The following NCALD variants were observed in gnomAD, a reference collection of about 807,000 sequenced individuals.
The protein encoded by NCALD is neurocalcin delta.
In NCALD, 10 loss-of-function variants were observed where a neutral mutation model predicts 18.6. The observed-to-expected ratio is 0.54, with a 90% CI of 0.33 to 0.91. NCALD has a LOEUF of 0.91. Among genes scored for constraint, NCALD ranks in the 40% least tolerant of loss-of-function variants. NCALD has a pLI of 0.03. For synonymous variants in NCALD, 88 were observed against 87.4 expected (o/e 1.01, Z -0.04); for missense variants, 184 against 247.6 (o/e 0.74, Z 1.72).
intron 2 of NCALD, among the ~76,000 whole-genome samples, chr8:101,921,047 T>C (rs1013961766): frequency 3.9e-5 from 6 of 152,166 alleles, no homozygotes; most frequent in African/African-American, 1.4e-4. Context: ...TAACTCAGCA[T>C]GTCCGATTGA....
At chr8:101,829,974 G>GTTTTT (rs35295834) in intron 4 of NCALD, among the ~76,000 whole-genome samples, 23 of 116,110 alleles carry the variant, frequency 2.0e-4, no homozygotes, top group South Asian at 5.9e-4. Context: ...AGTCACATGG[G>GTTTTT]TTTTTTTTTT....
At chr8:101,854,895 A>G (rs1337845444) in intron 4 of NCALD, among the ~76,000 whole-genome samples, 1 of 152,186 alleles carries the variant, frequency 6.6e-6, no homozygotes, top group Non-Finnish European at 1.5e-5. Context: ...ATGCACTATT[A>G]GGTACTAGGG....
intron 4 of NCALD, among the ~76,000 whole-genome samples, chr8:101,820,000 T>C (rs1425033827): frequency 6.6e-6 from 1 of 152,234 alleles, no homozygotes; most frequent in Non-Finnish European, 1.5e-5. Context: ...CTCTTTATTG[T>C]CTAACCATTT....
chr8:102,086,957 G>A (rs1236591354), intron 1 of NCALD, among the ~76,000 whole-genome samples: 2 of 152,208 alleles, frequency 1.3e-5, no homozygotes, highest in Non-Finnish European at 2.9e-5. Flanking sequence ...GTTTACAGAT[G>A]CCATGGCAAC....
At chr8:101,837,843 G>A (rs1814476352) in intron 4 of NCALD, among the ~76,000 whole-genome samples, 1 of 152,142 alleles carries the variant, frequency 6.6e-6, no homozygotes, top group African/African-American at 2.4e-5. Flanking sequence ...TTCAAGTGAT[G>A]GTAAAGGTGG....
intron 3 of NCALD, among the ~76,000 whole-genome samples, chr8:101,893,686 A>G: frequency 7.8e-6 from 1 of 127,882 alleles, no homozygotes; most frequent in African/African-American, 3.4e-5. Flanking sequence ...AAGCAAATGG[A>G]AAACAAAAAA....
At chr8:102,030,875 C>CA (rs1371223103) in intron 1 of NCALD, among the ~76,000 whole-genome samples, 2 of 129,408 alleles carry the variant, frequency 1.5e-5, no homozygotes, top group Non-Finnish European at 3.4e-5. Flanking sequence ...GACTCCATCA[C>CA]AAAAAATAAA....
chr8:102,008,418 G>A lies in NCALD; in HGVS notation c.-157+11819C>T, dbSNP rs150811380. On this transcript the variant is annotated intron_variant, in intron 2 of 6. Coordinates refer to the NCALD transcript ENST00000311028. ...CACAAACTCTAAAATAATTAAGAATGTGCCACTCCAAAATATGCTGTTCTG... is the reference window on the plus strand; with the variant it reads ...CACAAACTCTAAAATAATTAAGAATATGCCACTCCAAAATATGCTGTTCTG... Among the ~76,000 whole-genome samples the A allele has an allele frequency of 3.4e-4, 51 of 149,878 alleles. 1 individual carries two copies. The East Asian group carries it at 0.01, about 29-fold the overall frequency.
At chr8:101,950,772 C>T (rs1289619042) in intron 2 of NCALD, among the ~76,000 whole-genome samples, 1 of 152,220 alleles carries the variant, frequency 6.6e-6, no homozygotes, top group Non-Finnish European at 1.5e-5. Flanking sequence ...CCACATGGAA[C>T]AGACCTGATC....
Position 101,688,221 on chromosome 8 carries a change from T to C in NCALD, c.*1088A>G, listed in dbSNP as rs148925041. ...AAACCACCCTACTGGTCCCCTGTCA[T>C]ACATGTTAACATTCCTGTGCTCCAA... is the stretch of plus-strand genomic sequence containing the variant. On this transcript the variant is annotated 3_prime_UTR_variant, in exon 4 of 4. Transcript: ENST00000220931. The C allele has an allele frequency of 2.7e-4, 45 of 167,854 alleles. No homozygotes were observed. The highest frequency in any genetic ancestry group is 6.1e-3 in the Middle Eastern group (2 of 326). 10.4% of individuals were successfully genotyped at this position (167,854 alleles called of 1,614,324 possible). A position where few individuals can be genotyped will look rare whatever the true frequency, so the allele number is the denominator to read the frequency against.
At chr8:101,831,318 A>ATT (rs1036760050) in intron 4 of NCALD, among the ~76,000 whole-genome samples, 4 of 152,124 alleles carry the variant, frequency 2.6e-5, no homozygotes, top group Non-Finnish European at 5.9e-5. Context: ...AAATCATGAA[A>ATT]AGCCATGCCA....
chr8:101,999,211 T>C (rs1208937663), intron 2 of NCALD, among the ~76,000 whole-genome samples: 1 of 152,164 alleles, frequency 6.6e-6, no homozygotes, highest in Non-Finnish European at 1.5e-5. Context: ...CACATATGTT[T>C]ATACCAGCAC....
At chr8:101,771,289 G>A (rs1016677032) in intron 1 of NCALD, among the ~76,000 whole-genome samples, 1 of 152,092 alleles carries the variant, frequency 6.6e-6, no homozygotes, top group Non-Finnish European at 1.5e-5. Flanking sequence ...AGCAAGTTCA[G>A]GGTGGAGGTG....
At chr8:102,011,338 T>G (rs1821896642) in intron 2 of NCALD, among the ~76,000 whole-genome samples, 1 of 152,196 alleles carries the variant, frequency 6.6e-6, no homozygotes, top group Admixed American at 6.5e-5. Context: ...CCTGCATTCT[T>G]TACTCTCTGT....
intron 1 of NCALD, among the ~76,000 whole-genome samples, chr8:102,049,901 G>T (rs1033259849): frequency 6.6e-6 from 1 of 151,728 alleles, no homozygotes; most frequent in Non-Finnish European, 1.5e-5. Context: ...GGTGGCTCAC[G>T]CCTGTAATCC....
At chr8:101,804,589 A>ATATATAATTAATATAATTAATTATATAT in intron 4 of NCALD, among the ~76,000 whole-genome samples, 1 of 130,400 alleles carries the variant, frequency 7.7e-6, no homozygotes, top group African/African-American at 3.1e-5. Flanking sequence ...TAATTATATA[A>ATATATAATTAATATAATTAATTATATAT]TATATAATTA....
chr8:102,029,789 A>G (rs949833520), intron 1 of NCALD, among the ~76,000 whole-genome samples: 1 of 152,176 alleles, frequency 6.6e-6, no homozygotes, highest in Non-Finnish European at 1.5e-5. Context: ...GAGAAATTAC[A>G]TTTTGAAGGC....
At chr8:101,712,202 C>A (rs1335651362) in intron 2 of NCALD, among the ~76,000 whole-genome samples, 1 of 152,120 alleles carries the variant, frequency 6.6e-6, no homozygotes. Context: ...CCTTTACAGA[C>A]AAGCAAATGC....
At chr8:102,088,448 GACTGCT>G (rs1824811726) in intron 1 of NCALD, among the ~76,000 whole-genome samples, 2 of 151,972 alleles carry the variant, frequency 1.3e-5, no homozygotes, top group South Asian at 4.1e-4. Flanking sequence ...CGTTTTTAAA[GACTGCT>G]ATGGTTAAAA....
Sources: gnomAD v4.1 joint callset for allele counts (sites outside exome capture counted in the v4.1 genomes callset) on GRCh38, gnomAD v4.1.1 for gene constraint, MANE v1.5 for transcripts, NCBI Gene and HGNC (gene_info 2026-07-23, HGNC 2026-07-21) for gene names.